Variants in ABCA12 observed in about 807,000 individuals in gnomAD.
ABCA12 encodes ATP binding cassette subfamily A member 12.
A neutral mutation model predicts 293.5 loss-of-function variants in ABCA12; 156 were observed. The observed-to-expected ratio is 0.53, with a 90% CI of 0.47 to 0.61. The LOEUF is 0.61. ABCA12 is among the 20% of genes least tolerant of loss of function. The probability of loss-of-function intolerance (pLI) is 0.00; values close to 1 mark genes in which losing one functional copy is unlikely to be tolerated. For synonymous variants in ABCA12, 1,063 were observed against 1,108.0 expected, an observed-to-expected ratio of 0.96 and a Z score of 0.81; for missense variants, 2,797 against 3,090.2, an observed-to-expected ratio of 0.91 and a Z score of 2.25.
At chr2:214,983,626 C>G (rs1699719129) in intron 29 of ABCA12, 21 bp downstream of exon 29, 2 of 1,609,306 alleles carry the variant, frequency 1.2e-6, no homozygotes, top group Non-Finnish European at 1.7e-6. Context: ...AACTTAGGTT[C>G]TCATTCCTGT....
Position 215,046,884 on chromosome 2 carries a change from A to G in ABCA12, c.694-869T>C, listed in dbSNP as rs888228801. On this transcript the variant is annotated intron_variant, in intron 6 of 52. Transcript: ENST00000272895. ...ATGACACTATACACCATGGAATACT[A>G]TGCAGTCAGAAAAAAAGGAATGAGA... Among the ~76,000 whole-genome samples, 7 of 152,172 alleles carry G rather than the reference A, an allele frequency of 4.6e-5. 1 individual carries two copies. Among genetic ancestry groups the G allele is most frequent in the African/African-American group, 1.7e-4 (7 of 41,448 alleles).
chr2:214,979,079 T>G lies in ABCA12; in HGVS notation c.4741-39A>C, dbSNP rs772490418. On this transcript the variant is annotated intron_variant, in intron 31 of 52. Coordinates refer to ENST00000272895, the MANE Select transcript of ABCA12 (RefSeq NM_173076.3). ...GTAGGAATTAAAACACTCTCCTCTC[T>G]TTACACTATAGTGCTCCAGGCCCTA... The G allele has an allele frequency of 2.6e-6, 4 of 1,565,702 alleles. No homozygotes were observed. In the Admixed American group the frequency reaches 6.7e-5, roughly 26 times the overall value.
chr2:215,100,398 A>G (rs987674724), intron 2 of ABCA12, among the ~76,000 whole-genome samples: 1 of 151,970 alleles, frequency 6.6e-6, no homozygotes, highest in Non-Finnish European at 1.5e-5. Context: ...AGCTTAATTT[A>G]ATCCTGAAGT....
intron 2 of ABCA12, among the ~76,000 whole-genome samples, chr2:215,064,997 T>C (rs980657866): frequency 6.6e-6 from 1 of 151,876 alleles, no homozygotes; most frequent in African/African-American, 2.4e-5. Context: ...TAAAAACCAA[T>C]AGTGAATGGT....
chr2:215,013,025 A>T (rs912718103), intron 15 of ABCA12: 1 of 152,126 alleles, frequency 6.6e-6, no homozygotes, highest in Non-Finnish European at 1.5e-5. Context: ...TTTTAATGTA[A>T]TTTTTTTATC....
Position 214,991,038 on chromosome 2 carries a change from G to A in ABCA12, c.3295-7C>T, listed in dbSNP as rs547462748. ...CACCCATCATCTTCATGTACTGTAA[G>A]AAGAAAAAATGTGAGGCGCTTGTTA... On this transcript the variant is annotated splice_region_variant and splice_polypyrimidine_tract_variant and intron_variant, in intron 23 of 52. Coordinates refer to ENST00000272895, the MANE Select transcript of ABCA12 (RefSeq NM_173076.3). 2 of 1,613,214 alleles carry A rather than the reference G, an allele frequency of 1.2e-6. No individual in the cohort carries two copies. Among genetic ancestry groups the A allele is most frequent in the Non-Finnish European group, 1.7e-6 (2 of 1,179,544 alleles).
intron 7 of ABCA12, among the ~76,000 whole-genome samples, chr2:215,038,397 A>G (rs1046931280): frequency 6.6e-6 from 1 of 152,172 alleles, no homozygotes; most frequent in Admixed American, 6.5e-5. Flanking sequence ...TATCCACTCT[A>G]TATGTTGCCT....
chr2:214,943,096 GT>G, intron 49 of ABCA12, 79 bp from the exon 50 acceptor site: 1 of 1,051,924 alleles, frequency 9.5e-7, no homozygotes, highest in South Asian at 1.3e-5. Context: ...AAGCATAATT[GT>G]TTCATTATGG....
rs527343692 is a variant in ABCA12 at position 214,998,946 on chromosome 2, A to G, written c.3180-1137T>C. ...GGTCCCAAGGCCATTTCCTTTTTTAATCTACAAGACTAAAAAATTACCTCC... is the reference window on the plus strand; with the variant it reads ...GGTCCCAAGGCCATTTCCTTTTTTAGTCTACAAGACTAAAAAATTACCTCC... On this transcript the variant is annotated intron_variant, in intron 22 of 52. Transcript: ENST00000272895. Among the ~76,000 whole-genome samples the G allele has an allele frequency of 5.1e-4, 78 of 152,250 alleles. 1 individual carries two copies. Among genetic ancestry groups the G allele is most frequent in the African/African-American group, 1.8e-3 (75 of 41,550 alleles).
chr2:214,976,071 G>C, intron 33 of ABCA12, 34 bp from the exon 34 acceptor site: 1 of 1,613,048 alleles, frequency 6.2e-7, no homozygotes, highest in South Asian at 1.1e-5. Context: ...TATGGTTCTG[G>C]GAAATCTTGA....
intron 1 of ABCA12, among the ~76,000 whole-genome samples, chr2:215,127,344 T>G (rs1702948856): frequency 6.6e-6 from 1 of 152,178 alleles, no homozygotes; most frequent in Non-Finnish European, 1.5e-5. Flanking sequence ...CTTTGTTTCT[T>G]TGTTGACTTT....
At chr2:214,992,808 C>A (rs1699947873) in intron 23 of ABCA12, among the ~76,000 whole-genome samples, 1 of 151,728 alleles carries the variant, frequency 6.6e-6, no homozygotes, top group Admixed American at 6.6e-5. Flanking sequence ...TTGCAGTGAG[C>A]CGAGATCATG....
rs55641331 is a variant in ABCA12, at chr2:215,133,149, A to ATT, written c.69+4989_69+4990dup. ...TGACTCTTTTCTCTAGCTGGCTTTA[A>ATT]TTTTTTTTTTTTTTTTTTTTTTTTT... is the stretch of plus-strand genomic sequence containing the variant. On this transcript the variant is annotated intron_variant, in intron 1 of 52. Coordinates refer to ENST00000272895, the MANE Select transcript of ABCA12 (RefSeq NM_173076.3). Among the ~76,000 whole-genome samples the ATT allele has an allele frequency of 7.7e-4, 27 of 34,880 alleles. 5 individuals are homozygous for ATT. In the East Asian group the frequency reaches 9.8e-3, roughly 13 times the overall value. 22.9% of individuals were successfully genotyped at this position (34,880 alleles called of 152,430 possible). A position where few individuals can be genotyped will look rare whatever the true frequency, so the allele number is the denominator to read the frequency against.
At chr2:215,054,208 C>A (rs1029327875) in intron 4 of ABCA12, among the ~76,000 whole-genome samples, 3 of 152,022 alleles carry the variant, frequency 2.0e-5, no homozygotes, top group African/African-American at 7.2e-5. Flanking sequence ...AATGGAAAAT[C>A]TGGACAAACC....
At chr2:215,057,243 T>C (rs1192355947) in intron 3 of ABCA12, among the ~76,000 whole-genome samples, 1 of 152,036 alleles carries the variant, frequency 6.6e-6, no homozygotes, top group Non-Finnish European at 1.5e-5. Flanking sequence ...TTAGCAATAA[T>C]AACACCTACT....
chr2:214,999,719 A>G (rs1700102447), intron 22 of ABCA12: 1 of 744,200 alleles, frequency 1.3e-6, no homozygotes, highest in Non-Finnish European at 1.6e-6. Context: ...TTCGGGCAGC[A>G]CAGTCCCGTC....
chr2:215,122,458 T>C (rs1477141812), intron 1 of ABCA12, among the ~76,000 whole-genome samples: 1 of 152,250 alleles, frequency 6.6e-6, no homozygotes, highest in East Asian at 1.9e-4. Context: ...AATATTTTAA[T>C]GCATAGACAA....
intron 7 of ABCA12, chr2:215,044,466 T>A (rs1477485119): frequency 6.6e-6 from 1 of 152,192 alleles, no homozygotes; most frequent in Non-Finnish European, 1.5e-5. Flanking sequence ...ACCTGTTTGC[T>A]TCCTAAGACA....
chr2:215,070,761 G>A (rs1701721523), intron 2 of ABCA12, among the ~76,000 whole-genome samples: 1 of 151,846 alleles, frequency 6.6e-6, no homozygotes, highest in Non-Finnish European at 1.5e-5. Flanking sequence ...TGTGAATCTG[G>A]TTTACAAGGT....
Sources: gnomAD v4.1 joint callset for allele counts (sites outside exome capture counted in the v4.1 genomes callset) on GRCh38, gnomAD v4.1.1 for gene constraint, MANE v1.5 for transcripts, NCBI Gene and HGNC (gene_info 2026-07-23, HGNC 2026-07-21) for gene names.